Variants in CAMK1D observed in about 807,000 individuals in gnomAD.
CAMK1D encodes calcium/calmodulin-dependent protein kinase type 1D.
A neutral mutation model predicts 47.7 loss-of-function variants in CAMK1D; 9 were observed. The observed-to-expected ratio is 0.19, with a 90% CI of 0.11 to 0.33. The LOEUF (loss-of-function observed/expected upper bound fraction) is 0.33. Among genes scored for constraint, CAMK1D ranks in the 10% least tolerant of loss-of-function variants. CAMK1D has a pLI of 1.00. For synonymous variants in CAMK1D, 184 were observed against 184.9 expected (o/e 0.99, Z 0.04); for missense variants, 291 against 488.7 (o/e 0.60, Z 3.81).
intron 6 of CAMK1D, among the ~76,000 whole-genome samples, chr10:12,812,516 T>TGAGGCA (rs1832647189): frequency 6.6e-6 from 1 of 152,128 alleles, no homozygotes; most frequent in African/African-American, 2.4e-5. Flanking sequence ...CTTGGGAGGC[T>TGAGGCA]GAGGCAGAAT....
At chr10:12,563,664 T>TGAGAGAGAGG (rs1564414370) in intron 2 of CAMK1D, among the ~76,000 whole-genome samples, 32 of 130,030 alleles carry the variant, frequency 2.5e-4, no homozygotes, top group South Asian at 8.5e-4. Flanking sequence ...GCGGAAGGTT[T>TGAGAGAGAGG]GAGAGAGAGA....
intron 2 of CAMK1D, among the ~76,000 whole-genome samples, chr10:12,632,354 A>G (rs1314701170): frequency 2.0e-5 from 3 of 152,282 alleles, no homozygotes; most frequent in Non-Finnish European, 2.9e-5. Context: ...CTGAAAGGGT[A>G]AGAACTTTGG....
intron 3 of CAMK1D, among the ~76,000 whole-genome samples, chr10:12,672,821 T>C (rs908940059): frequency 4.0e-5 from 6 of 151,736 alleles, no homozygotes; most frequent in Non-Finnish European, 5.9e-5. Context: ...TTTTTATTTA[T>C]TTGTTTTTTC....
chr10:12,354,181 A>G (rs1484274664), intron 1 of CAMK1D, among the ~76,000 whole-genome samples: 1 of 152,142 alleles, frequency 6.6e-6, no homozygotes, highest in African/African-American at 2.4e-5. Context: ...CGGGATATGA[A>G]TGCATGTTTT....
At chr10:12,460,987 C>T (rs558575410) in intron 1 of CAMK1D, among the ~76,000 whole-genome samples, 35 of 152,272 alleles carry the variant, frequency 2.3e-4, no homozygotes, top group African/African-American at 8.2e-4. Context: ...ATCTTTGCTT[C>T]CTGGTAGATA....
At chr10:12,449,436 T>C (rs1488508812) in intron 1 of CAMK1D, among the ~76,000 whole-genome samples, 1 of 151,288 alleles carries the variant, frequency 6.6e-6, no homozygotes, top group East Asian at 1.9e-4. Flanking sequence ...AGGCCAGCTG[T>C]TTAAAAAAAA....
chr10:12,796,635 G>A lies in CAMK1D; in HGVS notation c.641+5402G>A, dbSNP rs377385731. Reference sequence around the variant, plus strand: ...GCGTGGTCACCGAGCCCCAAGCCCCGGGGGGTCGTGATGGCTGTTATTCCT... The same window carrying A: ...GCGTGGTCACCGAGCCCCAAGCCCCAGGGGGTCGTGATGGCTGTTATTCCT... On this transcript the variant is annotated intron_variant, in intron 6 of 10. Transcript: ENST00000619168. Among the ~76,000 whole-genome samples the A allele has an allele frequency of 1.3e-3, 192 of 150,404 alleles. 2 individuals carry two copies. Among genetic ancestry groups the A allele is most frequent in the African/African-American group, 4.6e-3 (183 of 40,024 alleles).
intron 1 of CAMK1D, among the ~76,000 whole-genome samples, chr10:12,415,455 A>ATTTTTT (rs5783266): frequency 1.3e-4 from 12 of 93,144 alleles, no homozygotes; most frequent in African/African-American, 3.0e-4. Flanking sequence ...CGCCTGGCTA[A>ATTTTTT]TTTTTTTTTT....
intron 1 of CAMK1D, among the ~76,000 whole-genome samples, chr10:12,376,641 A>T (rs908495305): frequency 8.5e-5 from 13 of 152,138 alleles, no homozygotes; most frequent in Non-Finnish European, 1.6e-4. Context: ...ACTGGAAATC[A>T]TATTAGGCTC....
chr10:12,482,812 C>G (rs1055672896), intron 1 of CAMK1D, among the ~76,000 whole-genome samples: 6 of 152,166 alleles, frequency 3.9e-5, no homozygotes, highest in Non-Finnish European at 1.5e-5. Flanking sequence ...AAAGGGATGT[C>G]ACGACGGTGC....
At chr10:12,626,149 A>C (rs1204777521) in intron 2 of CAMK1D, among the ~76,000 whole-genome samples, 1 of 152,126 alleles carries the variant, frequency 6.6e-6, no homozygotes, top group African/African-American at 2.4e-5. Flanking sequence ...ATATGTGATT[A>C]GTTTTCTTTT....
intron 2 of CAMK1D, among the ~76,000 whole-genome samples, chr10:12,584,158 C>T (rs964417912): frequency 6.6e-6 from 1 of 152,034 alleles, no homozygotes; most frequent in South Asian, 2.1e-4. Flanking sequence ...ATGCCTGAAC[C>T]CTAAGACTTG....
chr10:12,590,608 A>C (rs945454466), intron 2 of CAMK1D, among the ~76,000 whole-genome samples: 1 of 152,212 alleles, frequency 6.6e-6, no homozygotes, highest in Admixed American at 6.5e-5. Flanking sequence ...TTATTGTTGA[A>C]TGAATGCACT....
intron 3 of CAMK1D, among the ~76,000 whole-genome samples, chr10:12,736,375 G>A (rs551010469): frequency 6.6e-6 from 1 of 152,280 alleles, no homozygotes; most frequent in Admixed American, 6.5e-5. Flanking sequence ...TCTGACTGTT[G>A]ACTAGATAAG....
At chr10:12,538,811 G>T (rs1041213392) in intron 1 of CAMK1D, among the ~76,000 whole-genome samples, 2 of 149,392 alleles carry the variant, frequency 1.3e-5, no homozygotes, top group African/African-American at 2.5e-5. Flanking sequence ...GCTCTCCCTC[G>T]CAGCTTTTAT....
At chr10:12,547,271 G>A (rs1470272728) in intron 1 of CAMK1D, among the ~76,000 whole-genome samples, 2 of 152,212 alleles carry the variant, frequency 1.3e-5, no homozygotes, top group East Asian at 3.8e-4. Flanking sequence ...TAGCAACTAG[G>A]GGACCCCTGG....
At chr10:12,822,550 A>G (rs2131111172) in intron 8 of CAMK1D, among the ~76,000 whole-genome samples, 1 of 152,364 alleles carries the variant, frequency 6.6e-6, no homozygotes, top group South Asian at 2.1e-4. Flanking sequence ...CCCGAGGCCC[A>G]GAGTCTCCCC....
intron 1 of CAMK1D, among the ~76,000 whole-genome samples, chr10:12,421,178 C>G (rs926787975): frequency 1.3e-5 from 2 of 152,210 alleles, no homozygotes; most frequent in Non-Finnish European, 2.9e-5. Flanking sequence ...TGGGCCTGGT[C>G]TCCTTCCCAT....
chr10:12,351,689 C>A (rs549066527), intron 1 of CAMK1D, among the ~76,000 whole-genome samples: 1 of 152,286 alleles, frequency 6.6e-6, no homozygotes, highest in South Asian at 2.1e-4. Context: ...CCTGCTGGAG[C>A]ATGGTGTTTG....
Sources: gnomAD v4.1 joint callset for allele counts (sites outside exome capture counted in the v4.1 genomes callset) on GRCh38, gnomAD v4.1.1 for gene constraint, MANE v1.5 for transcripts, NCBI Gene and HGNC (gene_info 2026-07-23, HGNC 2026-07-21) for gene names.